Variants in DPF3 observed in about 807,000 individuals in gnomAD.
The protein encoded by DPF3 is double PHD fingers 3.
Under a neutral mutation model 56.8 loss-of-function variants are expected in DPF3, and 18 were observed. The ratio of observed to expected loss-of-function variants is 0.32; its 90% CI spans 0.22 to 0.47. The LOEUF (loss-of-function observed/expected upper bound fraction) is 0.47, where lower values mean the gene tolerates loss of function less well. DPF3 is among the 20% of genes least tolerant of loss of function. DPF3 has a pLI of 1.00. For synonymous variants in DPF3, 188 were observed against 180.2 expected (o/e 1.04, Z -0.35); for missense variants, 403 against 488.8 (o/e 0.82, Z 1.65).
chr14:72,863,196 C>G (rs568625334), intron 1 of DPF3, among the ~76,000 whole-genome samples: 7 of 149,118 alleles, frequency 4.7e-5, no homozygotes, highest in African/African-American at 1.7e-4. Flanking sequence ...AGGCCTTTCT[C>G]AAGCAAATAA....
rs2153565398 is a variant in DPF3, at chr14:72,616,519, C to T, written c.*2778G>A. On this transcript the variant is annotated 3_prime_UTR_variant, in exon 11 of 11. Transcript: ENST00000556509. ...TGGCTAATGCACACAAGAAGGCGGA[C>T]ATGGAAAACATCCGGAGTTCTTCCC... Among the ~76,000 whole-genome samples the T allele has an allele frequency of 6.6e-6, 1 of 152,280 alleles. No homozygotes were observed. The highest frequency in any genetic ancestry group is 2.4e-5 in the African/African-American group (1 of 41,554).
chr14:72,681,881 G>A (rs559867645), intron 7 of DPF3, among the ~76,000 whole-genome samples: 7 of 152,344 alleles, frequency 4.6e-5, no homozygotes, highest in African/African-American at 1.7e-4. Context: ...CCCTAGGTCT[G>A]CCATTAATGC....
chr14:72,698,155 G>T (rs933972204), intron 6 of DPF3, among the ~76,000 whole-genome samples: 1 of 152,098 alleles, frequency 6.6e-6, no homozygotes, highest in Non-Finnish European at 1.5e-5. Flanking sequence ...GACTAATCAC[G>T]TGTCAATACA....
In DPF3 at chr14:72,879,254, G is replaced by A. The variant is rs1024483025; in HGVS notation, c.32+14803C>T. 3.3e-5 allele frequency among the ~76,000 whole-genome samples: 5 copies of A among 152,054 alleles called. No individual in the cohort carries two copies. In the East Asian group the frequency reaches 9.6e-4, roughly 29 times the overall value. On this transcript the variant is annotated intron_variant, in intron 1 of 10. Transcript: ENST00000556509. ...CAAAATTAGCTGGGTATGGTGGTGT[G>A]CACCTATTGTCCCAGCTACTCAGGA...
intron 8 of DPF3, among the ~76,000 whole-genome samples, chr14:72,644,912 C>A (rs753139044): frequency 6.6e-5 from 10 of 152,182 alleles, no homozygotes; most frequent in Non-Finnish European, 1.5e-4. Flanking sequence ...CCATTCTATC[C>A]CATACCCAGG....
chr14:72,809,482 G>T (rs1882937278), intron 1 of DPF3, among the ~76,000 whole-genome samples: 1 of 152,222 alleles, frequency 6.6e-6, no homozygotes, highest in Admixed American at 6.5e-5. Flanking sequence ...CAACTTATGT[G>T]CAGGCATGAT....
intron 7 of DPF3, among the ~76,000 whole-genome samples, chr14:72,679,600 C>T (rs1887068469): frequency 6.6e-6 from 1 of 152,222 alleles, no homozygotes; most frequent in Admixed American, 6.5e-5. Flanking sequence ...CTCGTTTGTT[C>T]CCCCCGCCAC....
intron 1 of DPF3, among the ~76,000 whole-genome samples, chr14:72,809,477 T>C (rs572042471): frequency 6.6e-6 from 1 of 152,196 alleles, no homozygotes; most frequent in African/African-American, 2.4e-5. Flanking sequence ...TCTCCCAACT[T>C]ATGTGCAGGC....
chr14:72,684,231 G>C (rs1225945694), intron 7 of DPF3, among the ~76,000 whole-genome samples: 2 of 152,078 alleles, frequency 1.3e-5, no homozygotes, highest in Non-Finnish European at 2.9e-5. Context: ...ATTTTTAGTA[G>C]AGATGGGGCT....
Position 72,670,635 on chromosome 14 carries a change from T to TTCTC in DPF3, c.871+3601_871+3604dup, listed in dbSNP as rs140358812. On this transcript the variant is annotated intron_variant, in intron 8 of 10. Coordinates refer to ENST00000556509, the MANE Select transcript of DPF3 (RefSeq NM_001280542.3). ...ATTGCTTCGATTTCTTTGATTTCCC[T>TTCTC]TCTCTCTCTCTCTCTCTCTCTCTCG... The TTCTC allele has an allele frequency of 6.5e-3, 6,047 of 933,804 alleles. 17 individuals carry two copies. Among genetic ancestry groups the TTCTC allele is most frequent in the Middle Eastern group, 0.024 (45 of 1,842 alleles). The allele number at this position is 933,804 out of a possible 1,614,324, so 57.8% of individuals were successfully genotyped here. A position where few individuals can be genotyped will look rare whatever the true frequency, so the allele number is the denominator to read the frequency against.
At chr14:72,705,939 GA>G (rs1157711155) in intron 6 of DPF3, among the ~76,000 whole-genome samples, 2 of 150,410 alleles carry the variant, frequency 1.3e-5, no homozygotes, top group African/African-American at 2.4e-5. Context: ...ATGAGAGAGA[GA>G]AAAAAAAAGA....
At chr14:72,784,627 G>T (rs1348340842) in intron 1 of DPF3, among the ~76,000 whole-genome samples, 1 of 151,928 alleles carries the variant, frequency 6.6e-6, no homozygotes, top group Non-Finnish European at 1.5e-5. Context: ...TATCATACAG[G>T]CCAGGAGCAA....
At chr14:72,810,051 C>T (rs1215462365) in intron 1 of DPF3, among the ~76,000 whole-genome samples, 2 of 152,180 alleles carry the variant, frequency 1.3e-5, no homozygotes, top group Admixed American at 1.3e-4. Flanking sequence ...AAGAGAAGAT[C>T]CCCTCTTACT....
chr14:72,885,947 G>C (rs1226686318), intron 1 of DPF3, among the ~76,000 whole-genome samples: 1 of 152,210 alleles, frequency 6.6e-6, no homozygotes, highest in African/African-American at 2.4e-5. Context: ...AGACACAGAA[G>C]AACAAATATT....
chr14:72,646,128 T>C (rs554906558), intron 8 of DPF3, among the ~76,000 whole-genome samples: 1 of 152,292 alleles, frequency 6.6e-6, no homozygotes, highest in East Asian at 1.9e-4. Context: ...TTCCCTCCTC[T>C]CTTTTCCACC....
In DPF3 at chr14:72,714,513, T is replaced by C. The variant is rs1411877498; in HGVS notation, c.526-12A>G. 1.2e-6 allele frequency: 2 copies of C among 1,613,572 alleles called. No individual in the cohort carries two copies. Among genetic ancestry groups the C allele is most frequent in the South Asian group, 1.1e-5 (1 of 91,068 alleles). ...GCAGAGCCGCGAGCCTGGGGAGACA[T>C]TGGGGTACAGGATGCTTGTTACCAT... On this transcript the variant is annotated splice_polypyrimidine_tract_variant and intron_variant, in intron 5 of 10. Transcript: ENST00000556509.
intron 1 of DPF3, among the ~76,000 whole-genome samples, chr14:72,866,963 A>G (rs10483849): frequency 0.24 from 36,025 of 149,890 alleles, 5,919 homozygotes; most frequent in African/African-American, 0.38. Flanking sequence ...TTTTCTAACC[A>G]GACCACGAAA....
chr14:72,708,377 C>T (rs551774244), intron 6 of DPF3, among the ~76,000 whole-genome samples: 7 of 152,272 alleles, frequency 4.6e-5, no homozygotes, highest in South Asian at 2.1e-4. Flanking sequence ...CCACAAGCCC[C>T]GCTCCACAAA....
At chr14:72,745,116 G>A (rs1325991953) in intron 3 of DPF3, among the ~76,000 whole-genome samples, 1 of 152,066 alleles carries the variant, frequency 6.6e-6, no homozygotes, top group Non-Finnish European at 1.5e-5. Context: ...CACCATGGGT[G>A]GGTGGGTTGG....
Sources: gnomAD v4.1 joint callset for allele counts (sites outside exome capture counted in the v4.1 genomes callset) on GRCh38, gnomAD v4.1.1 for gene constraint, MANE v1.5 for transcripts, NCBI Gene and HGNC (gene_info 2026-07-23, HGNC 2026-07-21) for gene names.